Variants in STK32B observed in about 807,000 individuals in gnomAD.
STK32B encodes the protein serine/threonine-protein kinase 32B.
In STK32B, 43 loss-of-function variants were observed where a neutral mutation model predicts 52.6. That is an observed-to-expected ratio of 0.82 (90% CI 0.64 to 1.05). The LOEUF (loss-of-function observed/expected upper bound fraction) is 1.05. Among genes scored for constraint, STK32B ranks in the 50% least tolerant of loss-of-function variants. The probability of loss-of-function intolerance (pLI) is 0.00; values close to 1 mark genes in which losing one functional copy is unlikely to be tolerated. For synonymous variants in STK32B, 238 were observed against 204.3 expected (o/e 1.17, Z -1.41); for missense variants, 621 against 534.6 (o/e 1.16, Z -1.59).
intron 3 of STK32B, among the ~76,000 whole-genome samples, chr4:5,323,707 T>C (rs887012821): frequency 1.3e-5 from 2 of 152,206 alleles, no homozygotes; most frequent in African/African-American, 4.8e-5. Flanking sequence ...TTTCAGGCGT[T>C]TGTGGCTTTT....
At chr4:5,036,857 G>C in the STK32B span, among the ~76,000 whole-genome samples, 2 of 151,530 alleles carry the variant, frequency 1.3e-5, no homozygotes, top group Admixed American at 6.6e-5. Flanking sequence ...TAGTAGAGAC[G>C]GGGTTTCACC....
At chr4:5,341,638 G>C (rs1733084468) in intron 4 of STK32B, among the ~76,000 whole-genome samples, 1 of 152,286 alleles carries the variant, frequency 6.6e-6, no homozygotes, top group South Asian at 2.1e-4. Flanking sequence ...AAATACATGA[G>C]ACTGAGTAAT....
In STK32B at chr4:5,485,562, C is replaced by G. The variant is rs545370021; in HGVS notation, c.1107-13383C>G. Among the ~76,000 whole-genome samples, 47 of 152,266 alleles carry G rather than the reference C, an allele frequency of 3.1e-4. No homozygotes were observed. In the South Asian group the frequency reaches 9.4e-3, roughly 30 times the overall value. ...CTCCTTTAGCTCGGAGTTGTTTGAT[C>G]TTCTGAAGCCTTCTTCTCTCAACTT... is the stretch of plus-strand genomic sequence containing the variant. On this transcript the variant is annotated intron_variant, in intron 11 of 11. Transcript: ENST00000282908.
intron 4 of STK32B, among the ~76,000 whole-genome samples, chr4:5,360,062 T>A (rs1734445156): frequency 6.6e-6 from 1 of 152,214 alleles, no homozygotes; most frequent in African/African-American, 2.4e-5. Flanking sequence ...CCTTTCTACC[T>A]ACAGGTGATG....
chr4:5,441,801 G>T (rs1365916277), intron 6 of STK32B, among the ~76,000 whole-genome samples: 9 of 130,940 alleles, frequency 6.9e-5, no homozygotes, highest in Non-Finnish European at 1.2e-4. Flanking sequence ...CTGGTATGTT[G>T]TGTCTTTGTT....
At chr4:5,080,968 C>A (rs569134798) in intron 1 of STK32B, among the ~76,000 whole-genome samples, 1 of 152,302 alleles carries the variant, frequency 6.6e-6, no homozygotes, top group South Asian at 2.1e-4. Context: ...CAGCCCCCAA[C>A]CCGTCTTGAC....
intron 6 of STK32B, among the ~76,000 whole-genome samples, chr4:5,433,167 G>T (rs1466302466): frequency 6.6e-6 from 1 of 150,974 alleles, no homozygotes; most frequent in East Asian, 2.0e-4. Context: ...GACCAGAGTA[G>T]AGGATAGAAA....
intron 3 of STK32B, among the ~76,000 whole-genome samples, chr4:5,170,576 C>T (rs543814730): frequency 4.6e-5 from 7 of 151,850 alleles, no homozygotes; most frequent in South Asian, 2.1e-4. Context: ...TTCTTGTCCT[C>T]GTGATAGTTT....
chr4:5,347,597 G>A (rs1455037435), intron 4 of STK32B, among the ~76,000 whole-genome samples: 1 of 152,144 alleles, frequency 6.6e-6, no homozygotes, highest in Non-Finnish European at 1.5e-5. Context: ...CCTCATCCAT[G>A]GAGAGTGATA....
rs1220517440 is a variant in STK32B, at chr4:5,334,145, T to C, written c.434+2752T>C. On this transcript the variant is annotated intron_variant, in intron 4 of 11. Transcript: ENST00000282908. ...TCTTCCATTTCTTTGTATCCTCTTT[T>C]ATTTCATTGAGCAGTGGTTTGTAGT... 4.6e-5 allele frequency among the ~76,000 whole-genome samples: 7 copies of C among 152,110 alleles called. No individual in the cohort carries two copies. In the South Asian group the frequency reaches 1.2e-3, roughly 27 times the overall value.
intron 4 of STK32B, among the ~76,000 whole-genome samples, chr4:5,341,999 C>G (rs574990071): frequency 6.6e-6 from 1 of 152,252 alleles, no homozygotes; most frequent in African/African-American, 2.4e-5. Flanking sequence ...TCCCCTCTCC[C>G]CCTACTCCAT....
chr4:5,314,487 C>T (rs1329791589), intron 3 of STK32B, among the ~76,000 whole-genome samples: 1 of 152,068 alleles, frequency 6.6e-6, no homozygotes, highest in East Asian at 1.9e-4. Flanking sequence ...CTGGGCAACA[C>T]GTTGAAACCC....
intron 2 of STK32B, among the ~76,000 whole-genome samples, chr4:5,141,006 T>C (rs571415577): frequency 7.2e-5 from 11 of 152,312 alleles, no homozygotes; most frequent in East Asian, 5.8e-4. Context: ...TATGGAGTTA[T>C]GGGAGAGTAG....
intron 3 of STK32B, among the ~76,000 whole-genome samples, chr4:5,273,847 G>T (rs1325202527): frequency 1.6e-5 from 2 of 124,048 alleles, no homozygotes; most frequent in African/African-American, 3.0e-5. Context: ...TGTGGTGGGT[G>T]GGGGGAGGGG....
chr4:5,274,157 G>T (rs1727643869), intron 3 of STK32B, among the ~76,000 whole-genome samples: 1 of 152,088 alleles, frequency 6.6e-6, no homozygotes, highest in African/African-American at 2.4e-5. Context: ...ATGTGGAAAT[G>T]CAAAAGACCT....
chr4:5,294,971 T>C (rs995243851), intron 3 of STK32B, among the ~76,000 whole-genome samples: 21 of 152,252 alleles, frequency 1.4e-4, no homozygotes, highest in Middle Eastern at 3.4e-3. Flanking sequence ...TATCGAGTGT[T>C]TTTTAGCATG....
chr4:5,086,088 C>T (rs992414761), intron 1 of STK32B, among the ~76,000 whole-genome samples: 1 of 152,128 alleles, frequency 6.6e-6, no homozygotes, highest in African/African-American at 2.4e-5. Context: ...TTGGTGCAAA[C>T]AATAGACTAA....
intron 3 of STK32B, among the ~76,000 whole-genome samples, chr4:5,221,463 G>A (rs1723533907): frequency 6.6e-6 from 1 of 152,092 alleles, no homozygotes; most frequent in African/African-American, 2.4e-5. Flanking sequence ...TTGCTGGGAT[G>A]GATAATACAG....
chr4:5,174,881 A>G (rs558194435), intron 3 of STK32B, among the ~76,000 whole-genome samples: 1 of 152,282 alleles, frequency 6.6e-6, no homozygotes, highest in South Asian at 2.1e-4. Context: ...CTCCTGGATA[A>G]TATCCTGCAG....
Sources: allele counts gnomAD v4.1 joint callset (sites outside exome capture counted in the v4.1 genomes callset), GRCh38; gene constraint gnomAD v4.1.1; transcripts MANE v1.5; gene names NCBI Gene and HGNC (gene_info 2026-07-23, HGNC 2026-07-21).